USP47: variants seen among roughly 807,000 people sequenced by gnomAD.
USP47 encodes ubiquitin carboxyl-terminal hydrolase 47.
A neutral mutation model predicts 165.1 loss-of-function variants in USP47; 35 were observed. That is an observed-to-expected ratio of 0.21 (90% confidence interval 0.16 to 0.28). The LOEUF is 0.28. Ranked by LOEUF, USP47 falls within the 10% of genes least tolerant of loss-of-function variation. The probability of loss-of-function intolerance (pLI) is 1.00; values close to 1 mark genes in which losing one functional copy is unlikely to be tolerated. For missense variants in USP47, 1,277 were observed against 1,607.4 expected (o/e 0.79, Z 3.52); for synonymous variants, 531 against 544.5 (o/e 0.98, Z 0.35).
chr11:11,953,821 T>G (rs962420496), intron 25 of USP47, among the ~76,000 whole-genome samples: 1 of 152,228 alleles, frequency 6.6e-6, no homozygotes, highest in Non-Finnish European at 1.5e-5. Flanking sequence ...TACCTAGAGT[T>G]CTCAAGGTTT....
At chr11:11,854,101 C>T (rs1459175679) in intron 1 of USP47, among the ~76,000 whole-genome samples, 2 of 140,654 alleles carry the variant, frequency 1.4e-5, no homozygotes, top group Non-Finnish European at 3.2e-5. Flanking sequence ...CACCACTGCA[C>T]TCCAGCTAGG....
chr11:11,939,605 A>G (rs1855326159), intron 18 of USP47, among the ~76,000 whole-genome samples: 1 of 152,032 alleles, frequency 6.6e-6, no homozygotes, highest in South Asian at 2.1e-4. Context: ...TTGGTATAAT[A>G]TACTGTATAT....
intron 24 of USP47, 26 bp from the exon 25 acceptor site, chr11:11,952,712 AATG>A: frequency 1.9e-6 from 3 of 1,558,168 alleles, no homozygotes; most frequent in Non-Finnish European, 2.6e-6. Context: ...GAGGAAATAG[AATG>A]ATGACCTAAT....
intron 8 of USP47, among the ~76,000 whole-genome samples, chr11:11,916,696 A>G (rs894878042): frequency 2.0e-5 from 3 of 152,194 alleles, no homozygotes; most frequent in Non-Finnish European, 4.4e-5. Context: ...AGGGTGTCCA[A>G]CATAATTGGA....
chr11:11,882,849 G>A (rs1011495978), intron 2 of USP47, among the ~76,000 whole-genome samples: 3 of 151,914 alleles, frequency 2.0e-5, no homozygotes, highest in Non-Finnish European at 2.9e-5. Flanking sequence ...TTCCTTCTAG[G>A]CATTCAAAAA....
intron 21 of USP47, 127 bp from the exon 22 acceptor site, chr11:11,948,351 G>A: frequency 1.1e-6 from 1 of 881,158 alleles, no homozygotes; most frequent in Non-Finnish European, 1.7e-6. Flanking sequence ...GGATTCAGAG[G>A]TAAAAGATAT....
chr11:11,843,005 A>G (rs2134095898), intron 1 of USP47, among the ~76,000 whole-genome samples: 1 of 152,310 alleles, frequency 6.6e-6, no homozygotes, highest in South Asian at 2.1e-4. Flanking sequence ...ATTTCAACGT[A>G]TTAATAGTAT....
intron 11 of USP47, among the ~76,000 whole-genome samples, chr11:11,927,371 T>C (rs78051814): frequency 9.3e-4 from 142 of 152,190 alleles, no homozygotes; most frequent in African/African-American, 3.1e-3. Context: ...GTCTGTTGCT[T>C]AGTGTTACCA....
intron 14 of USP47, among the ~76,000 whole-genome samples, chr11:11,931,731 A>T (rs1854680316): frequency 6.6e-6 from 1 of 152,162 alleles, no homozygotes; most frequent in Admixed American, 6.5e-5. Context: ...CCTTTTACGG[A>T]CACATGCTGT....
intron 8 of USP47, among the ~76,000 whole-genome samples, chr11:11,914,847 C>T (rs898898914): frequency 1.3e-5 from 2 of 152,102 alleles, no homozygotes; most frequent in African/African-American, 2.4e-5. Context: ...ATAATGACAG[C>T]ATGGAAATCT....
At chr11:11,924,846 CTTTT>C (rs1430690438) in intron 11 of USP47, among the ~76,000 whole-genome samples, 1 of 151,918 alleles carries the variant, frequency 6.6e-6, no homozygotes, top group Non-Finnish European at 1.5e-5. Context: ...TTTGTGTCGT[CTTTT>C]TAATCTCGGT....
In USP47 at chr11:11,938,355, A is replaced by G. The variant is rs1325936866; in HGVS notation, c.2176A>G (p.Lys726Glu). The G allele has an allele frequency of 1.2e-6, 2 of 1,611,784 alleles. No individual in the cohort carries two copies. Among genetic ancestry groups the G allele is most frequent in the Non-Finnish European group, 8.5e-7 (1 of 1,178,608 alleles). The change falls in exon 18 of 28, where the codon AAA (lysine) becomes GAA (glutamate). Residue 726 changes from lysine (K) to glutamate (E), a missense_variant. Around this residue, in one of 4 missense-constraint regions of USP47, gnomAD observed 909 missense variants for 1,068.1 expected, o/e 0.85. Transcript: ENST00000527733. ...AYLNQTVTEF[K>E]QLISKAIHLP... is the part of the protein sequence containing the mutation. The stretch of plus-strand genomic sequence containing the variant: ...CTTAAATCAGACAGTTACAGAATTC[A>G]AACAACTGATTTCAAAGGTAAGTTT...
In USP47 at chr11:11,960,138, A is replaced by T. The variant is rs897832672; in HGVS notation, c.*3963A>T. ...TGCATTATTAAGACAATCTTATCTT[A>T]AAGTTCAGTGGTTTCATTCAAAGCT... On this transcript the variant is annotated 3_prime_UTR_variant, in exon 28 of 28. Coordinates refer to ENST00000527733, the MANE Select transcript of USP47 (RefSeq NM_001282659.2). 2.6e-5 allele frequency among the ~76,000 whole-genome samples: 4 copies of T among 152,276 alleles called. No individual in the cohort carries two copies. The East Asian group carries it at 7.7e-4, about 29-fold the overall frequency.
intron 3 of USP47, among the ~76,000 whole-genome samples, chr11:11,888,787 G>A (rs1362990074): frequency 1.3e-5 from 2 of 152,084 alleles, no homozygotes; most frequent in Non-Finnish European, 2.9e-5. Context: ...GATGAACATC[G>A]GTGCAAAAAT....
chr11:11,948,972 T>C (rs1177691529), intron 22 of USP47: 1 of 161,962 alleles, frequency 6.2e-6, no homozygotes, highest in African/African-American at 2.4e-5. Flanking sequence ...TACAGGTGAA[T>C]AGCAGTTGCA....
rs984254088 is a variant in USP47 at position 11,942,999 on chromosome 11, C to T, written c.2978C>T (p.Ser993Phe). ...KETWDTAEED[S>F]GTDSEYDESG... Reference sequence around the variant, plus strand: ...ACATGGGATACAGCAGAAGAAGACTCTGGAACTGATAGTGAATATGATGAG... The same window carrying T: ...ACATGGGATACAGCAGAAGAAGACTTTGGAACTGATAGTGAATATGATGAG... Residue 993 changes from serine (S) to phenylalanine (F), a missense_variant, in exon 20 of 28, where the codon TCT becomes TTT. Transcript: ENST00000527733. The T allele has an allele frequency of 6.2e-7, 1 of 1,613,548 alleles. No homozygotes were observed. Among genetic ancestry groups the T allele is most frequent in the South Asian group, 1.1e-5 (1 of 91,060 alleles).
At chr11:11,845,268 T>G (rs17450541) in intron 1 of USP47, among the ~76,000 whole-genome samples, 24,894 of 151,978 alleles carry the variant, frequency 0.16, 2,485 homozygotes, top group Admixed American at 0.34. Flanking sequence ...ATGAAACAGG[T>G]TTTTAATGTA....
rs574433320 is a variant in USP47 at position 11,915,984 on chromosome 11, A to G, written c.970-4172A>G. ...ATTCATATGTACACATAAATGGTTA[A>G]AAAAAGGATTTATAGGCAATACCAT... On this transcript the variant is annotated intron_variant, in intron 8 of 27. Coordinates refer to ENST00000527733, the MANE Select transcript of USP47 (RefSeq NM_001282659.2). 1.8e-4 allele frequency among the ~76,000 whole-genome samples: 28 copies of G among 152,294 alleles called. No homozygotes were observed. The South Asian group carries it at 5.6e-3, about 30-fold the overall frequency.
chr11:11,928,117 C>CT (rs956850757), intron 11 of USP47, among the ~76,000 whole-genome samples: 1 of 151,844 alleles, frequency 6.6e-6, no homozygotes, highest in African/African-American at 2.4e-5. Context: ...GGTTGGCAGA[C>CT]TTTTTCTGTG....
Sources: gnomAD v4.1 joint callset for allele counts (sites outside exome capture counted in the v4.1 genomes callset) on GRCh38, gnomAD v4.1.1 for gene constraint, gnomAD v4.1.1 regional missense constraint, MANE v1.5 for transcripts, NCBI Gene and HGNC (gene_info 2026-07-23, HGNC 2026-07-21) for gene names.